PRKG1: variants seen among roughly 807,000 people sequenced by gnomAD.
PRKG1 encodes the protein protein kinase cGMP-dependent 1, also known as cGMP-dependent protein kinase 1.
In PRKG1, 35 loss-of-function variants were observed where a neutral mutation model predicts 88.1. The observed-to-expected ratio is 0.40, with a 90% CI of 0.30 to 0.53. The LOEUF (loss-of-function observed/expected upper bound fraction) is 0.53. Ranked by LOEUF, PRKG1 falls within the 20% of genes least tolerant of loss-of-function variation. PRKG1 has a pLI of 0.59. For synonymous variants in PRKG1, 303 were observed against 292.5 expected, an observed-to-expected ratio of 1.04 and a Z score of -0.37; for missense variants, 540 against 839.8, an observed-to-expected ratio of 0.64 and a Z score of 4.41.
At chr10:52,138,290 G>T (rs1837482305) in intron 8 of PRKG1, among the ~76,000 whole-genome samples, 1 of 151,952 alleles carries the variant, frequency 6.6e-6, no homozygotes, top group South Asian at 2.1e-4. Context: ...CATTTTTGTT[G>T]GTCAGTTCCT....
rs750491073 is a variant in PRKG1 at position 51,531,973 on chromosome 10, G to T, written c.592+64137G>T. Reference sequence around the variant, plus strand: ...ATTTTTTTAAAAAAATGACAGTCAGGACACTCGATTTCTGCTAGTCCCAGT... The same window carrying T: ...ATTTTTTTAAAAAAATGACAGTCAGTACACTCGATTTCTGCTAGTCCCAGT... On this transcript the variant is annotated intron_variant, in intron 3 of 17. Transcript: ENST00000373980. Among the ~76,000 whole-genome samples the T allele has an allele frequency of 2.8e-4, 43 of 152,002 alleles. 2 individuals carry two copies. The highest frequency in any genetic ancestry group is 1.3e-4 in the Admixed American group (2 of 15,254).
At chr10:52,155,908 A>G (rs1043873335) in intron 8 of PRKG1, among the ~76,000 whole-genome samples, 5 of 152,000 alleles carry the variant, frequency 3.3e-5, no homozygotes, top group Non-Finnish European at 7.4e-5. Context: ...TTATTTCTCA[A>G]AAGTGACAGT....
intron 2 of PRKG1, among the ~76,000 whole-genome samples, chr10:51,263,102 C>G (rs564240926): frequency 5.3e-4 from 80 of 152,252 alleles, no homozygotes; most frequent in African/African-American, 1.9e-3. Flanking sequence ...AAATCACACC[C>G]AGAACACAAG....
At chr10:52,231,248 A>C (rs1447060138) in intron 9 of PRKG1, 2 of 152,032 alleles carry the variant, frequency 1.3e-5, no homozygotes, top group South Asian at 2.1e-4. Flanking sequence ...AAATTCAAAA[A>C]ATTTTGGCCA....
intron 8 of PRKG1, among the ~76,000 whole-genome samples, chr10:52,153,522 G>A (rs958135244): frequency 6.6e-6 from 1 of 152,166 alleles, no homozygotes; most frequent in Non-Finnish European, 1.5e-5. Context: ...TCTTTAATGT[G>A]TCAAATGTGC....
chr10:52,087,873 T>C (rs1334150562), intron 7 of PRKG1, among the ~76,000 whole-genome samples: 1 of 152,172 alleles, frequency 6.6e-6, no homozygotes. Flanking sequence ...TTTTCCTCAA[T>C]AGTAAGGAGA....
At position 51,854,965 on chromosome 10, in the gene PRKG1, T is replaced by C. The variant is rs1014969471; in HGVS notation, c.698+50275T>C. Among the ~76,000 whole-genome samples the C allele has an allele frequency of 4.5e-4, 68 of 152,328 alleles. 1 individual carries two copies. Among genetic ancestry groups the C allele is most frequent in the Admixed American group, 2.2e-3 (34 of 15,294 alleles). On this transcript the variant is annotated intron_variant, in intron 4 of 17. Transcript: ENST00000373980. ...TGGGAAGGGTGGAGGAAAATAGCAC[T>C]GTGCCTGATAAATTTAGATTACTGC...
At chr10:51,310,345 A>G (rs1484442392) in intron 2 of PRKG1, among the ~76,000 whole-genome samples, 1 of 152,214 alleles carries the variant, frequency 6.6e-6, no homozygotes, top group Non-Finnish European at 1.5e-5. Flanking sequence ...ACACTTTTTA[A>G]AAAAGAACCT....
intron 4 of PRKG1, among the ~76,000 whole-genome samples, chr10:51,852,416 T>A (rs759985269): frequency 3.3e-5 from 5 of 150,278 alleles, no homozygotes; most frequent in Admixed American, 2.7e-4. Context: ...TAGAGGTGAA[T>A]AACAGAATGC....
intron 10 of PRKG1, among the ~76,000 whole-genome samples, chr10:52,270,455 G>GTGAATAGTTCAC (rs1841691226): frequency 1.3e-5 from 2 of 151,980 alleles, no homozygotes; most frequent in African/African-American, 2.4e-5. Context: ...CAATAGCAAA[G>GTGAATAGTTCAC]ACTTGGAACC....
intron 2 of PRKG1, among the ~76,000 whole-genome samples, chr10:51,432,117 A>C (rs1164547111): frequency 5.9e-5 from 9 of 152,178 alleles, no homozygotes; most frequent in Admixed American, 5.9e-4. Flanking sequence ...GTATGCCGCA[A>C]TCAAGGTTTG....
intron 1 of PRKG1, among the ~76,000 whole-genome samples, chr10:51,139,116 G>GT (rs1230239014): frequency 1.3e-5 from 2 of 152,188 alleles, no homozygotes; most frequent in Non-Finnish European, 1.5e-5. Flanking sequence ...GAGCATAGCA[G>GT]TAAGTCTTTC....
intron 9 of PRKG1, among the ~76,000 whole-genome samples, chr10:52,177,774 A>G (rs369200861): frequency 1.3e-5 from 2 of 151,878 alleles, no homozygotes; most frequent in African/African-American, 4.8e-5. Context: ...TTTCAAATTT[A>G]CTGGTGTATA....
chr10:51,331,097 G>A (rs1452561272), intron 2 of PRKG1, among the ~76,000 whole-genome samples: 10 of 152,106 alleles, frequency 6.6e-5, no homozygotes, highest in South Asian at 4.1e-4. Context: ...GCTCTCTGTC[G>A]TAGGCATGGT....
intron 5 of PRKG1, among the ~76,000 whole-genome samples, chr10:51,977,799 T>C (rs1843885684): frequency 6.6e-6 from 1 of 151,930 alleles, no homozygotes; most frequent in South Asian, 2.1e-4. Flanking sequence ...ATGTCCTTTG[T>C]CCATTTTTAA....
At chr10:51,667,414 T>C (rs1840448735) in intron 3 of PRKG1, among the ~76,000 whole-genome samples, 1 of 152,226 alleles carries the variant, frequency 6.6e-6, no homozygotes. Flanking sequence ...GAGAATGCTT[T>C]ATTCAAGCTA....
intron 1 of PRKG1, among the ~76,000 whole-genome samples, chr10:51,011,026 T>A (rs1187217521): frequency 4.6e-5 from 7 of 152,156 alleles, no homozygotes; most frequent in Non-Finnish European, 8.8e-5. Context: ...ATTATTCAAA[T>A]TGTGGGATTC....
chr10:51,277,899 A>G (rs1840171401), intron 2 of PRKG1, among the ~76,000 whole-genome samples: 1 of 152,332 alleles, frequency 6.6e-6, no homozygotes, highest in Non-Finnish European at 1.5e-5. Flanking sequence ...TCATCTGCAA[A>G]CAGGGACAAT....
intron 9 of PRKG1, among the ~76,000 whole-genome samples, chr10:52,220,735 A>C (rs1186329616): frequency 6.6e-6 from 1 of 152,146 alleles, no homozygotes; most frequent in Non-Finnish European, 1.5e-5. Flanking sequence ...ATGTTCCTGC[A>C]GAGGACAGGA....
Sources: gnomAD v4.1 joint callset for allele counts (sites outside exome capture counted in the v4.1 genomes callset) on GRCh38, gnomAD v4.1.1 for gene constraint, MANE v1.5 for transcripts, NCBI Gene and HGNC (gene_info 2026-07-23, HGNC 2026-07-21) for gene names.